Variants in ANGPT1 observed in about 807,000 individuals in gnomAD.
ANGPT1 encodes angiopoietin 1.
ANGPT1 carries 17 observed loss-of-function variants against 62.2 expected under a neutral mutation model. That is an observed-to-expected ratio of 0.27 (90% CI 0.19 to 0.41). The LOEUF (loss-of-function observed/expected upper bound fraction) is 0.41. ANGPT1 is among the 10% of genes least tolerant of loss of function. The probability of loss-of-function intolerance (pLI) is 1.00; values close to 1 mark genes in which losing one functional copy is unlikely to be tolerated. For missense variants in ANGPT1, 478 were observed against 594.9 expected, an observed-to-expected ratio of 0.80 and a Z score of 2.04; for synonymous variants, 199 against 198.9, an observed-to-expected ratio of 1.00 and a Z score of 0.00.
intron 1 of ANGPT1, among the ~76,000 whole-genome samples, chr8:107,421,141 C>T (rs923175564): frequency 5.9e-5 from 9 of 151,976 alleles, no homozygotes; most frequent in Non-Finnish European, 1.0e-4. Context: ...AGAGTGAAAA[C>T]GATTTTACAT....
At chr8:107,317,834 T>C (rs1815055504) in intron 4 of ANGPT1, among the ~76,000 whole-genome samples, 1 of 152,076 alleles carries the variant, frequency 6.6e-6, no homozygotes, top group Non-Finnish European at 1.5e-5. Flanking sequence ...TTTCACCATA[T>C]TGGCCAAGCT....
intron 1 of ANGPT1, among the ~76,000 whole-genome samples, chr8:107,369,714 G>A (rs915320493): frequency 6.6e-6 from 1 of 151,814 alleles, no homozygotes; most frequent in Non-Finnish European, 1.5e-5. Context: ...GAGGCCCATT[G>A]AGAGGGAGAG....
At chr8:107,466,194 A>C (rs1043988749) in intron 1 of ANGPT1, among the ~76,000 whole-genome samples, 1 of 152,196 alleles carries the variant, frequency 6.6e-6, no homozygotes, top group African/African-American at 2.4e-5. Flanking sequence ...TTTACTGAGT[A>C]CAAAATATAA....
intron 1 of ANGPT1, among the ~76,000 whole-genome samples, chr8:107,415,988 G>A (rs1810730083): frequency 6.6e-6 from 1 of 151,962 alleles, no homozygotes; most frequent in African/African-American, 2.4e-5. Flanking sequence ...TTATAATCAT[G>A]GGATAATCTG....
chr8:107,393,544 T>C (rs1816875711), intron 1 of ANGPT1, among the ~76,000 whole-genome samples: 1 of 152,198 alleles, frequency 6.6e-6, no homozygotes, highest in Non-Finnish European at 1.5e-5. Flanking sequence ...GTGCAGCGGC[T>C]CACGCCTGTA....
At chr8:107,324,969 T>C (rs1006531563) in intron 3 of ANGPT1, among the ~76,000 whole-genome samples, 1 of 152,200 alleles carries the variant, frequency 6.6e-6, no homozygotes, top group African/African-American at 2.4e-5. Context: ...GAAACTGTGA[T>C]GATCACTTAT....
intron 1 of ANGPT1, among the ~76,000 whole-genome samples, chr8:107,428,370 C>A (rs1357190029): frequency 6.6e-6 from 1 of 152,156 alleles, no homozygotes; most frequent in Non-Finnish European, 1.5e-5. Flanking sequence ...CTATGGGAGA[C>A]AAGACTGACC....
chr8:107,268,882 T>C (rs1421414572), intron 7 of ANGPT1, among the ~76,000 whole-genome samples: 3 of 152,000 alleles, frequency 2.0e-5, no homozygotes, highest in Non-Finnish European at 2.9e-5. Context: ...TGAGGAATAA[T>C]GAATGTTTCA....
intron 1 of ANGPT1, among the ~76,000 whole-genome samples, chr8:107,384,227 C>T (rs535278891): frequency 6.6e-6 from 1 of 152,082 alleles, no homozygotes; most frequent in East Asian, 1.9e-4. Flanking sequence ...TTAAAAAATG[C>T]CAAGGTTGGC....
chr8:107,366,084 G>C (rs1654700), intron 1 of ANGPT1, among the ~76,000 whole-genome samples: 1 of 151,504 alleles, frequency 6.6e-6, no homozygotes, highest in Admixed American at 6.6e-5. Flanking sequence ...ATAATGTTCA[G>C]TTACAAAACA....
chr8:107,272,845 GATAA>G (rs913451807), intron 7 of ANGPT1, among the ~76,000 whole-genome samples: 35 of 149,400 alleles, frequency 2.3e-4, no homozygotes, highest in African/African-American at 5.2e-4. Flanking sequence ...TTCAAAATAA[GATAA>G]ATAGTTATTC....
intron 1 of ANGPT1, among the ~76,000 whole-genome samples, chr8:107,426,964 A>T (rs1811056443): frequency 1.3e-5 from 2 of 152,238 alleles, no homozygotes; most frequent in South Asian, 2.1e-4. Flanking sequence ...ATGACCCTCC[A>T]TATATTTAAA....
At chr8:107,318,154 G>A (rs1394491525) in intron 4 of ANGPT1, among the ~76,000 whole-genome samples, 1 of 152,134 alleles carries the variant, frequency 6.6e-6, no homozygotes, top group Non-Finnish European at 1.5e-5. Context: ...AATAAATGTG[G>A]CCCAATGTTT....
intron 1 of ANGPT1, among the ~76,000 whole-genome samples, chr8:107,401,324 T>TA (rs1817044292): frequency 6.6e-6 from 1 of 152,134 alleles, no homozygotes; most frequent in African/African-American, 2.4e-5. Flanking sequence ...ATTAATTATA[T>TA]TTTTTTAAAG....
chr8:107,342,168 C>A (rs1191186249), intron 2 of ANGPT1, among the ~76,000 whole-genome samples: 3 of 152,220 alleles, frequency 2.0e-5, no homozygotes, highest in Non-Finnish European at 4.4e-5. Context: ...CCTCTTCTGA[C>A]CCATCAGCTA....
intron 1 of ANGPT1, among the ~76,000 whole-genome samples, chr8:107,496,486 C>T (rs115555794): frequency 0.013 from 2,051 of 152,298 alleles, 46 homozygotes; most frequent in African/African-American, 0.046. Context: ...GGTACTGTCT[C>T]TAACTACAAT....
chr8:107,370,164 G>C (rs540167226), intron 1 of ANGPT1, among the ~76,000 whole-genome samples: 2 of 116,054 alleles, frequency 1.7e-5, no homozygotes, highest in South Asian at 6.0e-4. Context: ...GAGAAAGAAA[G>C]AAAGAGAGAA....
chr8:107,257,102 G>C (rs142715692), intron 8 of ANGPT1, among the ~76,000 whole-genome samples: 2,592 of 152,088 alleles, frequency 0.017, 34 homozygotes, highest in African/African-American at 0.024. Flanking sequence ...TCAGGTGATC[G>C]AATCACCTCG....
intron 1 of ANGPT1, among the ~76,000 whole-genome samples, chr8:107,362,048 T>C (rs1586256332): frequency 1.3e-5 from 2 of 152,146 alleles, no homozygotes; most frequent in East Asian, 3.8e-4. Context: ...AGAGCGAGAT[T>C]CCGTCTCAAA....
Sources: gnomAD v4.1 joint callset for allele counts (sites outside exome capture counted in the v4.1 genomes callset) on GRCh38, gnomAD v4.1.1 for gene constraint, MANE v1.5 for transcripts, NCBI Gene and HGNC (gene_info 2026-07-23, HGNC 2026-07-21) for gene names.